NSD3: variants seen among roughly 807,000 people sequenced by gnomAD.
NSD3 encodes the protein histone-lysine N-methyltransferase NSD3.
In NSD3, 24 loss-of-function variants were observed where a neutral mutation model predicts 160.8. The observed-to-expected ratio is 0.15, with a 90% CI of 0.11 to 0.21. NSD3 has a LOEUF of 0.21. Among genes scored for constraint, NSD3 ranks in the 10% least tolerant of loss-of-function variants. The pLI is 1.00. For missense variants in NSD3, 1,157 were observed against 1,735.9 expected, an observed-to-expected ratio of 0.67 and a Z score of 5.93; for synonymous variants, 520 against 600.0, an observed-to-expected ratio of 0.87 and a Z score of 1.95.
rs1585882596 is a variant in NSD3, at chr8:38,318,858, C to G, written c.1855+37G>C. 1.3e-6 allele frequency: 2 copies of G among 1,588,164 alleles called. No individual in the cohort carries two copies. The highest frequency in any genetic ancestry group is 1.8e-5 in the Admixed American group (1 of 54,334). Reference sequence around the variant, plus strand: ...ATAATTCTTAAAAATTGGTTTTAATCAAGGAAATGCAAAGCAACATTATAA... The same window carrying G: ...ATAATTCTTAAAAATTGGTTTTAATGAAGGAAATGCAAAGCAACATTATAA... On this transcript the variant is annotated intron_variant, in intron 9 of 23. Coordinates refer to ENST00000317025, the MANE Select transcript of NSD3 (RefSeq NM_023034.2). The surrounding 1 kb of genome is among the most constrained non-coding windows in gnomAD (Gnocchi z 5.3).
intron 14 of NSD3, 60 bp downstream of exon 14, chr8:38,304,527 T>C: frequency 6.5e-7 from 1 of 1,541,492 alleles, no homozygotes; most frequent in Non-Finnish European, 8.8e-7. Context: ...AGACTCTATG[T>C]TAATGGAGAA....
At chr8:38,292,567 G>A (rs913725073) in intron 16 of NSD3, among the ~76,000 whole-genome samples, 3 of 151,300 alleles carry the variant, frequency 2.0e-5, no homozygotes, top group Admixed American at 6.6e-5. Context: ...TGTATCACGA[G>A]GTCAGGAGAT....
intron 12 of NSD3, among the ~76,000 whole-genome samples, chr8:38,309,431 G>A (rs1430991365): frequency 6.6e-6 from 1 of 152,184 alleles, no homozygotes; most frequent in Admixed American, 6.5e-5. Context: ...TTGCGCCACT[G>A]CACTCCAGCC....
chr8:38,289,428 T>G lies in NSD3; in HGVS notation c.3196A>C (p.Asn1066His). The G allele has an allele frequency of 6.2e-7, 1 of 1,613,846 alleles. No individual in the cohort carries two copies. Among genetic ancestry groups the G allele is most frequent in the South Asian group, 1.1e-5 (1 of 91,018 alleles). Reference protein sequence around the residue: ...ESKEALEIEKNSRKPPPYKHI... With the variant: ...ESKEALEIEKHSRKPPPYKHI... Reference sequence around the variant, plus strand: ...TTGTAGGGAGGGGGTTTTCTTGAGTTTTTTTCAATCTCTAGGGCTTCTTTA... The same window carrying G: ...TTGTAGGGAGGGGGTTTTCTTGAGTGTTTTTCAATCTCTAGGGCTTCTTTA... The change falls in exon 18 of 24, where the codon AAC (asparagine) becomes CAC (histidine). Residue 1066 changes from asparagine (N) to histidine (H), a missense_variant. This residue lies in a region of NSD3 where 437 missense variants were observed against 576.6 expected (regional missense o/e 0.76). Coordinates refer to ENST00000317025, the MANE Select transcript of NSD3 (RefSeq NM_023034.2).
chr8:38,374,261 G>C (rs1033739464), intron 1 of NSD3, among the ~76,000 whole-genome samples: 6 of 152,050 alleles, frequency 3.9e-5, no homozygotes, highest in African/African-American at 9.7e-5. Context: ...CTGGGCAAGA[G>C]AGCAAGACCC....
intron 1 of NSD3, among the ~76,000 whole-genome samples, chr8:38,349,994 G>A (rs945272241): frequency 6.6e-6 from 1 of 151,964 alleles, no homozygotes; most frequent in African/African-American, 2.4e-5. Flanking sequence ...CTTCATCCAT[G>A]TCCCTACAAA....
chr8:38,276,519 T>A lies in NSD3; in HGVS notation c.3868-19A>T, dbSNP rs1808605349. On this transcript the variant is annotated intron_variant, in intron 22 of 23. Coordinates refer to ENST00000317025, the MANE Select transcript of NSD3 (RefSeq NM_023034.2). ...ATGCCGACTGGCAGGAAAGAAAGGATCATAGTTTCAAACATCACAGACAGT... is the reference window on the plus strand; with the variant it reads ...ATGCCGACTGGCAGGAAAGAAAGGAACATAGTTTCAAACATCACAGACAGT... 6.2e-7 allele frequency: 1 copy of A among 1,613,506 alleles called. No homozygotes were observed. The highest frequency in any genetic ancestry group is 8.5e-7 in the Non-Finnish European group (1 of 1,179,730).
intron 16 of NSD3, among the ~76,000 whole-genome samples, chr8:38,295,164 G>GT (rs1233028305): frequency 3.1e-5 from 4 of 128,876 alleles, no homozygotes; most frequent in African/African-American, 5.7e-5. Context: ...AAAAAAAAAA[G>GT]TTTTTTTTGG....
Position 38,299,579 on chromosome 8 carries a change from G to C in NSD3, c.2623C>G (p.Gln875Glu). The C allele has an allele frequency of 1.2e-6, 2 of 1,602,746 alleles. No homozygotes were observed. The highest frequency in any genetic ancestry group is 2.3e-5 in the South Asian group (2 of 87,758). The change falls in exon 15 of 24, where the codon CAG becomes GAG. Residue 875 changes from glutamine to glutamate, a missense_variant. This residue lies in a region of NSD3 where 437 missense variants were observed against 576.6 expected (regional missense o/e 0.76). Transcript: ENST00000317025. ...CTGAACATGGGGTCTGAATGGTCCT[G>C]AACTATCAGCCCTATACGAAACAAA... ...CFVCARGLIV[Q>E]DHSDPMFSSY...
chr8:38,305,341 G>A lies in NSD3; in HGVS notation c.2347C>T (p.Pro783Ser), dbSNP rs1346727287. 12 of 1,614,108 alleles carry A rather than the reference G, an allele frequency of 7.4e-6. No individual in the cohort carries two copies. Among genetic ancestry groups the A allele is most frequent in the Non-Finnish European group, 8.5e-6 (10 of 1,180,028 alleles). ...CCTTTTGATTCAAAGATGGCAGTGGGGAATTTGCGGACACAGGCTTCATGA... is the reference window on the plus strand; with the variant it reads ...CCTTTTGATTCAAAGATGGCAGTGGAGAATTTGCGGACACAGGCTTCATGA... ...FYHEACVRKF[P>S]TAIFESKGFR... The change falls in exon 13 of 24, where the codon CCC becomes TCC. Residue 783 changes from proline to serine, a missense_variant. Pro to Ser is a moderately conservative substitution (Grantham distance 74, BLOSUM62 -1). This residue lies in a region of NSD3 where 437 missense variants were observed against 576.6 expected (regional missense o/e 0.76). Coordinates refer to ENST00000317025, the MANE Select transcript of NSD3 (RefSeq NM_023034.2).
At chr8:38,330,196 A>G (rs551680381) in intron 5 of NSD3, among the ~76,000 whole-genome samples, 16 of 152,230 alleles carry the variant, frequency 1.1e-4, no homozygotes, top group Non-Finnish European at 2.1e-4. Flanking sequence ...GGAAAAGAGA[A>G]CAATGATTAC....
chr8:38,377,474 G>A (rs1381307922), intron 1 of NSD3, among the ~76,000 whole-genome samples: 3 of 151,884 alleles, frequency 2.0e-5, no homozygotes, highest in African/African-American at 4.8e-5. Context: ...TCAGCCTTCC[G>A]AGTAGCTGCG....
At chr8:38,356,755 T>C (rs948295611) in intron 1 of NSD3, among the ~76,000 whole-genome samples, 9 of 152,180 alleles carry the variant, frequency 5.9e-5, no homozygotes, top group African/African-American at 1.9e-4. Context: ...GTGCTGTATA[T>C]ATTCTTTTTT....
chr8:38,382,260 G>A lies in NSD3; in HGVS notation c.-506C>T, dbSNP rs964591747. On this transcript the variant is annotated 5_prime_UTR_variant, in exon 1 of 24. Coordinates refer to ENST00000317025, the MANE Select transcript of NSD3 (RefSeq NM_023034.2). The surrounding 1 kb of genome is among the most constrained non-coding windows in gnomAD (Gnocchi z 4.2). ...CCGCCGCCTCTCCCGCCGCCGCCGC[G>A]CACAAAGCCCCCCCACCCCGACTCT... The A allele has an allele frequency of 5.9e-6, 1 of 168,424 alleles. No homozygotes were observed. Among genetic ancestry groups the A allele is most frequent in the Non-Finnish European group, 1.2e-5 (1 of 81,134 alleles). 10.4% of individuals were successfully genotyped at this position (168,424 alleles called of 1,614,324 possible). A position where few individuals can be genotyped will look rare whatever the true frequency, so the allele number is the denominator to read the frequency against.
intron 1 of NSD3, among the ~76,000 whole-genome samples, chr8:38,355,809 T>C (rs755236485): frequency 6.6e-6 from 1 of 152,240 alleles, no homozygotes; most frequent in Non-Finnish European, 1.5e-5. Context: ...CTAAACATTT[T>C]ACATTTGTTA....
At chr8:38,364,293 A>AACC (rs1195535905) in intron 1 of NSD3, among the ~76,000 whole-genome samples, 10 of 151,712 alleles carry the variant, frequency 6.6e-5, no homozygotes, top group South Asian at 4.2e-4. Context: ...CAACAACAAC[A>AACC]ACAACAACAA....
rs1585910979 is a variant in NSD3 at position 38,347,960 on chromosome 8, T to C, written c.212A>G (p.Asn71Ser). ...CACACTGATTGATGATGGATACCCA[T>C]TTGTGAGTGGAGGAAGATCTTCTGT... ...ATTEDLPPLTNGYPSSISVYE... is the reference protein window; with the variant it reads ...ATTEDLPPLTSGYPSSISVYE... The change falls in exon 2 of 24, where the codon AAT (asparagine) becomes AGT (serine). Residue 71 changes from asparagine to serine, a missense_variant. This residue lies in a region of NSD3 where 121 missense variants were observed against 177.2 expected (regional missense o/e 0.68). Coordinates refer to ENST00000317025, the MANE Select transcript of NSD3 (RefSeq NM_023034.2). 1.2e-6 allele frequency: 2 copies of C among 1,614,188 alleles called. No homozygotes were observed. Among genetic ancestry groups the C allele is most frequent in the Non-Finnish European group, 1.7e-6 (2 of 1,180,034 alleles).
chr8:38,304,244 G>A (rs1037816107), intron 14 of NSD3, among the ~76,000 whole-genome samples: 27 of 152,310 alleles, frequency 1.8e-4, no homozygotes, highest in African/African-American at 6.3e-4. Context: ...AAATGGGAAG[G>A]ATCTACTTTG....
intron 4 of NSD3, among the ~76,000 whole-genome samples, chr8:38,332,793 C>T (rs972586563): frequency 2.0e-5 from 3 of 150,692 alleles, no homozygotes; most frequent in Non-Finnish European, 4.4e-5. Context: ...ACATAGTAGA[C>T]TAGACATTTG....
Sources: allele counts gnomAD v4.1 joint callset (sites outside exome capture counted in the v4.1 genomes callset), GRCh38; gene constraint gnomAD v4.1.1; regional missense constraint gnomAD v4.1.1; non-coding constraint Gnocchi (gnomAD v3.1); transcripts MANE v1.5; gene names NCBI Gene and HGNC (gene_info 2026-07-23, HGNC 2026-07-21).